Variants in RRP8 observed in about 807,000 individuals in gnomAD.
RRP8 encodes ribosomal RNA processing 8.
In RRP8, 48 loss-of-function variants were observed where a neutral mutation model predicts 45.0. The ratio of observed to expected loss-of-function variants is 1.07; its 90% CI spans 0.85 to 1.36. The LOEUF is 1.36. Ranked by LOEUF, RRP8 falls within the 40% of genes most tolerant of loss-of-function variation. RRP8 has a pLI of 0.00. For synonymous variants in RRP8, 274 were observed against 212.4 expected (o/e 1.29, Z -2.52); for missense variants, 658 against 573.7 (o/e 1.15, Z -1.50).
In RRP8 at chr11:6,601,264, G is replaced by C; in HGVS notation, c.802C>G (p.Arg268Gly). 6.2e-7 allele frequency: 1 copy of C among 1,611,868 alleles called. No individual in the cohort carries two copies. The highest frequency in any genetic ancestry group is 8.5e-7 in the Non-Finnish European group (1 of 1,178,950). The change falls in exon 3 of 7, where the codon CGT becomes GGT. Residue 268 changes from arginine to glycine, a missense_variant. Coordinates refer to ENST00000254605, the MANE Select transcript of RRP8 (RefSeq NM_015324.4). ...GCCTCAGGGTCTTCCTGGAAGAGAC[G>C]CTGTGCAGCACTGCTGGGCCCTGAG... ...LYSGPSSAAQ[R>G]LFQEDPEAFL...
chr11:6,600,057 T>A lies in RRP8; in HGVS notation c.*89A>T. On this transcript the variant is annotated 3_prime_UTR_variant, in exon 7 of 7. Transcript: ENST00000254605. ...TCCTCAGGGTCCACCAGGAACCAGG[T>A]CTTGGCTCACAGCCAGGCTGGAAAC... is the stretch of plus-strand genomic sequence containing the variant. 1.2e-6 allele frequency: 1 copy of A among 839,588 alleles called. No individual in the cohort carries two copies. The highest frequency in any genetic ancestry group is 2.1e-5 in the South Asian group (1 of 47,988). The allele number at this position is 839,588 out of a possible 1,614,324, so 52.0% of individuals were successfully genotyped here.
chr11:6,601,999 A>G lies in RRP8; in HGVS notation c.316T>C (p.Ser106Pro), dbSNP rs776350624. ...CQKQGPPCSD[S>P]EEEVERKKKC... is the part of the protein sequence containing the mutation. ...TTCTTCCTTTCTACTTCTTCCTCAG[A>G]GTCACTGCAAGGTGGGCCCTGTTTT... The change falls in exon 2 of 7, where the codon TCT becomes CCT. Residue 106 changes from serine (S) to proline (P), a missense_variant. Coordinates refer to ENST00000254605, the MANE Select transcript of RRP8 (RefSeq NM_015324.4). The G allele has an allele frequency of 1.2e-6, 2 of 1,613,958 alleles. No homozygotes were observed. The highest frequency in any genetic ancestry group is 8.5e-7 in the Non-Finnish European group (1 of 1,180,026).
Position 6,600,733 on chromosome 11 carries a change from G to A in RRP8, c.1090C>T (p.Leu364Phe), listed in dbSNP as rs1854328443. The change falls in exon 5 of 7, where the codon CTT becomes TTT. Residue 364 changes from leucine to phenylalanine, a missense_variant. Physicochemically the swap from Leu to Phe is conservative, Grantham distance 22 (BLOSUM62 0). Transcript: ENST00000254605. ...DESVDVAVFC[L>F]SLMGTNIRDF... ...CTGATGTTGGTTCCCATCAGTGAAA[G>A]GCAAAACACAGCCACATCCACAGAC... is the stretch of plus-strand genomic sequence containing the variant. The A allele has an allele frequency of 6.2e-7, 1 of 1,614,000 alleles. No individual in the cohort carries two copies. Among genetic ancestry groups the A allele is most frequent in the African/African-American group, 1.3e-5 (1 of 74,904 alleles).
At chr11:6,600,822 A>C (rs764391112) in intron 4 of RRP8, 47 bp from the exon 5 acceptor site, 1 of 1,607,146 alleles carries the variant, frequency 6.2e-7, no homozygotes, top group Non-Finnish European at 8.5e-7. Flanking sequence ...GCAGAAGAAG[A>C]AAGCCAGCAC....
At position 6,596,522 on chromosome 11, in the gene RRP8, T is replaced by C. The variant is rs1183174940; in HGVS notation, c.*3624A>G. The C allele has an allele frequency of 5.9e-5, 9 of 152,322 alleles. No homozygotes were observed. Among genetic ancestry groups the C allele is most frequent in the African/African-American group, 2.2e-4 (9 of 41,566 alleles). The allele number at this position is 152,322 out of a possible 1,614,324, so 9.4% of individuals were successfully genotyped here. ...TGATTTACATTTTAAAAAGATCACA[T>C]GGCTGTGTGGAAAATTAATTGCTTT... On this transcript the variant is annotated 3_prime_UTR_variant, in exon 7 of 7. Transcript: ENST00000254605.
At position 6,601,158 on chromosome 11, in the gene RRP8, A is replaced by G; in HGVS notation, c.908T>C (p.Leu303Pro). 6.2e-7 allele frequency: 1 copy of G among 1,613,908 alleles called. No homozygotes were observed. Residue 303 changes from leucine to proline, a missense_variant, in exon 3 of 7, where the codon CTT (leucine) becomes CCT (proline). By Grantham distance (98) the Leu-to-Pro change is moderately conservative. Transcript: ENST00000254605. ...CCTGACCCCCATTCACCGCTGGCGA[A>G]GATCCCTGGCGATGCGGTCCACTGG... ...LQPVDRIARD[L>P]RQRPASLVVA... is the part of the protein sequence containing the mutation.
chr11:6,596,819 A>G lies in RRP8; in HGVS notation c.*3327T>C, dbSNP rs1203045207. On this transcript the variant is annotated 3_prime_UTR_variant, in exon 7 of 7. Coordinates refer to ENST00000254605, the MANE Select transcript of RRP8 (RefSeq NM_015324.4). The stretch of plus-strand genomic sequence containing the variant: ...TAGGACTGGACTATATTATGGGAAC[A>G]GAAGCTGGAGCACACCAATAACTGC... The G allele has an allele frequency of 3.3e-5, 5 of 152,276 alleles. No homozygotes were observed. Among genetic ancestry groups the G allele is most frequent in the Non-Finnish European group, 7.3e-5 (5 of 68,058 alleles). The allele number at this position is 152,276 out of a possible 1,614,324, so 9.4% of individuals were successfully genotyped here.
At position 6,603,484 on chromosome 11, in the gene RRP8, A is replaced by G; in HGVS notation, c.19T>C (p.Trp7Arg). Residue 7 changes from tryptophan (W) to arginine (R), a missense_variant, in exon 1 of 7, where the codon TGG (tryptophan) becomes CGG (arginine). Coordinates refer to ENST00000254605, the MANE Select transcript of RRP8 (RefSeq NM_015324.4). ...GCGGCTACTGGGGCCGCCTCGGCCC[A>G]CTCAGGCTCTTCGAACATGAGGGTC... MFEEPE[W>R]AEAAPVAAGL... 6.3e-7 allele frequency: 1 copy of G among 1,593,430 alleles called. No homozygotes were observed. Among genetic ancestry groups the G allele is most frequent in the Non-Finnish European group, 8.5e-7 (1 of 1,171,286 alleles).
Position 6,601,400 on chromosome 11 carries a change from C to T in RRP8, c.666G>A (p.Val222=), listed in dbSNP as rs1266421143. 1.5e-5 allele frequency: 25 copies of T among 1,614,074 alleles called. No individual in the cohort carries two copies. In the East Asian group the frequency reaches 5.1e-4, roughly 33 times the overall value. ...PAEAPTEKTE[V]SPVPRTDSHE... ...GGCTGTCTGTCCTGGGAACAGGAGA[C>T]ACCTCTGTCTTCTCTGTGGGGGCCT... The change falls in exon 3 of 7, where the codon GTG becomes GTA. Residue 222 remains valine, a synonymous_variant. Transcript: ENST00000254605.
At position 6,597,164 on chromosome 11, in the gene RRP8, C is replaced by CA. The variant is rs1190005365; in HGVS notation, c.*2981dup. 3 of 152,178 alleles carry CA rather than the reference C, an allele frequency of 2.0e-5. No individual in the cohort carries two copies. Among genetic ancestry groups the CA allele is most frequent in the Non-Finnish European group, 4.4e-5 (3 of 68,040 alleles). 9.4% of individuals were successfully genotyped at this position (152,178 alleles called of 1,614,324 possible). Reference sequence around the variant, plus strand: ...TGCCCCAGCTAAGTCTAGGAGCCTGCACTGGGAAAGGGAGGAGTGATTGGT... The same window carrying CA: ...TGCCCCAGCTAAGTCTAGGAGCCTGCAACTGGGAAAGGGAGGAGTGATTGGT... On this transcript the variant is annotated 3_prime_UTR_variant, in exon 7 of 7. Coordinates refer to ENST00000254605, the MANE Select transcript of RRP8 (RefSeq NM_015324.4).
intron 4 of RRP8, 55 bp downstream of exon 4, chr11:6,600,871 G>A (rs1393276715): frequency 9.9e-5 from 159 of 1,613,020 alleles, no homozygotes; most frequent in Non-Finnish European, 1.3e-4. Context: ...AAGGGTTAGA[G>A]ATTAGCATAC....
In RRP8 at chr11:6,601,380, T is replaced by C. The variant is rs750490267; in HGVS notation, c.686A>G (p.Asp229Gly). ...KTEVSPVPRT[D>G]SHEARAGALR... is the part of the protein sequence containing the mutation. Reference sequence around the variant, plus strand: ...AGCCCCTGCCCGAGCCTCATGGCTGTCTGTCCTGGGAACAGGAGACACCTC... The same window carrying C: ...AGCCCCTGCCCGAGCCTCATGGCTGCCTGTCCTGGGAACAGGAGACACCTC... Residue 229 changes from aspartate (D) to glycine (G), a missense_variant, in exon 3 of 7, where the codon GAC (aspartate) becomes GGC (glycine). Coordinates refer to ENST00000254605, the MANE Select transcript of RRP8 (RefSeq NM_015324.4). 9.9e-6 allele frequency: 16 copies of C among 1,614,054 alleles called. No individual in the cohort carries two copies. The highest frequency in any genetic ancestry group is 2.2e-5 in the East Asian group (1 of 44,898).
chr11:6,595,575 T>A lies in RRP8; in HGVS notation c.*4571A>T, dbSNP rs1286200801. 1.3e-5 allele frequency: 2 copies of A among 152,156 alleles called. No individual in the cohort carries two copies. Among genetic ancestry groups the A allele is most frequent in the Non-Finnish European group, 2.9e-5 (2 of 68,042 alleles). The allele number at this position is 152,156 out of a possible 1,614,324, so 9.4% of individuals were successfully genotyped here. Reference sequence around the variant, plus strand: ...CTGTTTAGGACATTCTTTAGTGGGATTTGTTTTTCCGGTCACAGTCACAAT... The same window carrying A: ...CTGTTTAGGACATTCTTTAGTGGGAATTGTTTTTCCGGTCACAGTCACAAT... On this transcript the variant is annotated 3_prime_UTR_variant, in exon 7 of 7. Coordinates refer to ENST00000254605, the MANE Select transcript of RRP8 (RefSeq NM_015324.4).
chr11:6,602,411 T>C, intron 1 of RRP8, 196 bp from the exon 2 acceptor site: 1 of 557,058 alleles, frequency 1.8e-6, no homozygotes. Flanking sequence ...AAACCACCTA[T>C]CCCACTTTCT....
Position 6,601,169 on chromosome 11 carries a change from G to T in RRP8, c.897C>A (p.Ile299=). 1 of 1,613,948 alleles carries T rather than the reference G, an allele frequency of 6.2e-7. No homozygotes were observed. Among genetic ancestry groups the T allele is most frequent in the South Asian group, 1.1e-5 (1 of 91,064 alleles). Residue 299 remains isoleucine (I), a synonymous_variant, in exon 3 of 7, where the codon ATC becomes ATA. Coordinates refer to ENST00000254605, the MANE Select transcript of RRP8 (RefSeq NM_015324.4). ...TTCACCGCTGGCGAAGATCCCTGGC[G>T]ATGCGGTCCACTGGCTGCAGTGGCC... ...KKWPLQPVDR[I]ARDLRQRPAS... is the part of the protein sequence containing the mutation.
At chr11:6,601,816 ACAC>A in intron 2 of RRP8, 33 bp downstream of exon 2, 2 of 1,557,414 alleles carry the variant, frequency 1.3e-6, no homozygotes, top group Non-Finnish European at 1.7e-6. Context: ...CGACACACAC[ACAC>A]CAACACACAC....
chr11:6,601,316 T>G lies in RRP8; in HGVS notation c.750A>C (p.Arg250=), dbSNP rs1305780415. ...ACAACTGTTCATTGAGGTAGCGAAA[T>G]CGGGCCCCATCCAGCCGCTGTGCCA... ...ARMAQRLDGA[R]FRYLNEQLYS... is the part of the protein sequence containing the mutation. Residue 250 remains arginine, a synonymous_variant, in exon 3 of 7, where the codon CGA becomes CGC. Coordinates refer to ENST00000254605, the MANE Select transcript of RRP8 (RefSeq NM_015324.4). The G allele has an allele frequency of 1.2e-6, 2 of 1,613,634 alleles. No individual in the cohort carries two copies. The highest frequency in any genetic ancestry group is 1.6e-4 in the Middle Eastern group (1 of 6,062).
At position 6,602,213 on chromosome 11, in the gene RRP8, G is replaced by T; in HGVS notation, c.102C>A (p.Gly34=). 6.5e-7 allele frequency: 1 copy of T among 1,546,280 alleles called. No individual in the cohort carries two copies. ...TGGCCAAGAGCTGGCGGCGCTTGGAGCCCTGGAGGAAAACAGGGGATGACA... is the reference window on the plus strand; with the variant it reads ...TGGCCAAGAGCTGGCGGCGCTTGGATCCCTGGAGGAAAACAGGGGATGACA... The part of the protein sequence containing the change: ...PPPAASSQNK[G]SKRRQLLATL... Residue 34 remains glycine (G), a splice_region_variant and synonymous_variant, in exon 2 of 7, where the codon GGC becomes GGA. Coordinates refer to ENST00000254605, the MANE Select transcript of RRP8 (RefSeq NM_015324.4).
At chr11:6,601,821 A>C (rs1854381253) in intron 2 of RRP8, 31 bp downstream of exon 2, 2 of 1,566,768 alleles carry the variant, frequency 1.3e-6, no homozygotes, top group Non-Finnish European at 1.7e-6. Context: ...CACACACACC[A>C]ACACACACAC....
Sources: allele counts gnomAD v4.1 joint callset, GRCh38; gene constraint gnomAD v4.1.1; transcripts MANE v1.5; gene names NCBI Gene and HGNC (gene_info 2026-07-23, HGNC 2026-07-21).